Variants in NKAIN2 observed in about 807,000 individuals in gnomAD.
NKAIN2 encodes sodium/potassium transporting ATPase interacting 2.
A neutral mutation model predicts 32.6 loss-of-function variants in NKAIN2; 14 were observed. The ratio of observed to expected loss-of-function variants is 0.43; its 90% CI spans 0.28 to 0.67. The LOEUF (loss-of-function observed/expected upper bound fraction) is 0.67, where lower values mean the gene tolerates loss of function less well. Among genes scored for constraint, NKAIN2 ranks in the 30% least tolerant of loss-of-function variants. The probability of loss-of-function intolerance (pLI) is 0.17; values close to 1 mark genes in which losing one functional copy is unlikely to be tolerated. For synonymous variants in NKAIN2, 80 were observed against 87.2 expected (o/e 0.92, Z 0.46); for missense variants, 198 against 258.3 (o/e 0.77, Z 1.60).
chr6:124,668,886 C>T, intron 4 of NKAIN2, among the ~76,000 whole-genome samples: 1 of 152,130 alleles, frequency 6.6e-6, no homozygotes, highest in African/African-American at 2.4e-5. Context: ...TGTTTGGCCA[C>T]ATCTTTATTG....
chr6:124,196,093 T>G (rs1790301589), intron 1 of NKAIN2, among the ~76,000 whole-genome samples: 1 of 152,152 alleles, frequency 6.6e-6, no homozygotes, highest in African/African-American at 2.4e-5. Context: ...AAACTAGTGA[T>G]TATACCTCAT....
At chr6:124,533,471 C>CAAGAAAAAA (rs1491202202) in intron 3 of NKAIN2, among the ~76,000 whole-genome samples, 1 of 58,982 alleles carries the variant, frequency 1.7e-5, no homozygotes, top group Non-Finnish European at 3.0e-5. Context: ...GACTCTGTCT[C>CAAGAAAAAA]AAAAAAAAAA....
At chr6:124,509,966 T>C (rs1778646748) in intron 3 of NKAIN2, among the ~76,000 whole-genome samples, 1 of 152,200 alleles carries the variant, frequency 6.6e-6, no homozygotes, top group Admixed American at 6.5e-5. Flanking sequence ...AGAAATATTA[T>C]CTAACTGCTT....
chr6:123,999,861 T>G (rs1225048774), intron 1 of NKAIN2, among the ~76,000 whole-genome samples: 1 of 152,106 alleles, frequency 6.6e-6, no homozygotes, highest in Non-Finnish European at 1.5e-5. Flanking sequence ...TCTGCCTCTG[T>G]TTCTTTGTCT....
At chr6:124,455,858 G>A (rs1776301033) in intron 3 of NKAIN2, among the ~76,000 whole-genome samples, 1 of 151,876 alleles carries the variant, frequency 6.6e-6, no homozygotes, top group Non-Finnish European at 1.5e-5. Flanking sequence ...CCTTCAGCCT[G>A]ATTGGTCCCA....
chr6:124,042,234 C>T (rs2114812208), intron 1 of NKAIN2, among the ~76,000 whole-genome samples: 1 of 152,216 alleles, frequency 6.6e-6, no homozygotes, highest in Non-Finnish European at 1.5e-5. Context: ...TGCTTGATAG[C>T]ACAGTCACTT....
chr6:123,985,447 C>A (rs1779093293), intron 1 of NKAIN2, among the ~76,000 whole-genome samples: 1 of 152,010 alleles, frequency 6.6e-6, no homozygotes, highest in South Asian at 2.1e-4. Context: ...AAACAAAAAT[C>A]AATTCTATAA....
chr6:124,631,424 A>G (rs1301410221), intron 3 of NKAIN2, among the ~76,000 whole-genome samples: 1 of 152,200 alleles, frequency 6.6e-6, no homozygotes, highest in Non-Finnish European at 1.5e-5. Context: ...GTGGTACTGA[A>G]TAAACCTAGG....
At chr6:124,334,516 T>A (rs982994016) in intron 2 of NKAIN2, among the ~76,000 whole-genome samples, 1 of 147,946 alleles carries the variant, frequency 6.8e-6, no homozygotes, top group African/African-American at 2.5e-5. Flanking sequence ...TTGGTCAGGC[T>A]GTAGCTGTCA....
chr6:124,476,018 G>A (rs1225772659), intron 3 of NKAIN2, among the ~76,000 whole-genome samples: 1 of 151,420 alleles, frequency 6.6e-6, no homozygotes, highest in Non-Finnish European at 1.5e-5. Flanking sequence ...GTGTGTGTGA[G>A]CGTGTGTGTG....
chr6:123,895,859 G>T (rs1175154685), intron 1 of NKAIN2, among the ~76,000 whole-genome samples: 1 of 152,034 alleles, frequency 6.6e-6, no homozygotes, highest in Non-Finnish European at 1.5e-5. Context: ...TTGATGAATC[G>T]CTATAACATT....
intron 3 of NKAIN2, among the ~76,000 whole-genome samples, chr6:124,620,979 T>TC (rs1362584211): frequency 1.7e-4 from 26 of 152,302 alleles, no homozygotes; most frequent in Non-Finnish European, 3.5e-4. Context: ...AGTTGCTTTT[T>TC]TCTCTCTCAC....
rs73565346 is a variant in NKAIN2, at chr6:124,532,886, C to G, written c.274-125300C>G. Among the ~76,000 whole-genome samples, 482 of 152,252 alleles carry G rather than the reference C, an allele frequency of 3.2e-3. 4 individuals are homozygous for G. The highest frequency in any genetic ancestry group is 0.011 in the African/African-American group (462 of 41,528). ...ACCTGGGTGTTTTAAGAGCCAAGCT[C>G]TCCAGTAGAGTCTGGAAAAGTTGGG... On this transcript the variant is annotated intron_variant, in intron 3 of 6. Transcript: ENST00000368417.
intron 1 of NKAIN2, among the ~76,000 whole-genome samples, chr6:123,852,203 C>G (rs1775376578): frequency 6.6e-6 from 1 of 152,136 alleles, no homozygotes; most frequent in Non-Finnish European, 1.5e-5. Context: ...ATTGAAGCGA[C>G]AACATGATCT....
intron 3 of NKAIN2, among the ~76,000 whole-genome samples, chr6:124,368,595 G>A (rs576895541): frequency 6.6e-6 from 1 of 152,134 alleles, no homozygotes; most frequent in African/African-American, 2.4e-5. Context: ...TATTTCTTCT[G>A]GGTGACTCAT....
At chr6:124,053,101 CTTATA>C (rs1782486001) in intron 1 of NKAIN2, among the ~76,000 whole-genome samples, 1 of 151,860 alleles carries the variant, frequency 6.6e-6, no homozygotes, top group African/African-American at 2.4e-5. Flanking sequence ...TATATTTTAA[CTTATA>C]TTTTAATTTC....
At chr6:124,055,603 G>A (rs1430580113) in intron 1 of NKAIN2, among the ~76,000 whole-genome samples, 1 of 151,848 alleles carries the variant, frequency 6.6e-6, no homozygotes, top group East Asian at 1.9e-4. Context: ...TTAAGTCATG[G>A]CAGCTCTGGG....
chr6:124,140,223 T>C (rs1787066770), intron 1 of NKAIN2, among the ~76,000 whole-genome samples: 1 of 152,184 alleles, frequency 6.6e-6, no homozygotes, highest in African/African-American at 2.4e-5. Flanking sequence ...GTTGCTATGG[T>C]TTCACATATA....
intron 3 of NKAIN2, among the ~76,000 whole-genome samples, chr6:124,466,394 G>T (rs1776756523): frequency 6.6e-6 from 1 of 152,076 alleles, no homozygotes; most frequent in Non-Finnish European, 1.5e-5. Flanking sequence ...CAGTAATTCA[G>T]CTTTCAAATG....
Sources: gnomAD v4.1 joint callset for allele counts (sites outside exome capture counted in the v4.1 genomes callset) on GRCh38, gnomAD v4.1.1 for gene constraint, MANE v1.5 for transcripts, NCBI Gene and HGNC (gene_info 2026-07-23, HGNC 2026-07-21) for gene names.